KDM2B: variants seen among roughly 807,000 people sequenced by gnomAD.
KDM2B encodes the protein lysine-specific demethylase 2B.
KDM2B carries 26 observed loss-of-function variants against 150.0 expected under a neutral mutation model. The ratio of observed to expected loss-of-function variants is 0.17; its 90% CI spans 0.13 to 0.24. The LOEUF (loss-of-function observed/expected upper bound fraction) is 0.24. Among genes scored for constraint, KDM2B ranks in the 10% least tolerant of loss-of-function variants. The probability of loss-of-function intolerance (pLI) is 1.00; values close to 1 mark genes in which losing one functional copy is unlikely to be tolerated. For missense variants in KDM2B, 1,265 were observed against 1,816.9 expected, an observed-to-expected ratio of 0.70 and a Z score of 5.52; for synonymous variants, 734 against 729.5, an observed-to-expected ratio of 1.01 and a Z score of -0.10.
chr12:121,535,122 T>C (rs1555308500), intron 6 of KDM2B, among the ~76,000 whole-genome samples: 2 of 151,332 alleles, frequency 1.3e-5, no homozygotes, highest in African/African-American at 2.4e-5. Context: ...GCTTTGGCCT[T>C]GAGAGAAATG....
rs201085385 is a variant in KDM2B at position 121,441,088 on chromosome 12, G to A, written c.3430C>T (p.Leu1144Phe). 2.5e-6 allele frequency: 4 copies of A among 1,614,178 alleles called. No homozygotes were observed. In the East Asian group the frequency reaches 8.9e-5, roughly 36 times the overall value. ...GGCTCACCAGGCAGCCGGTTGATGAGCCAGCTCAGCTGCTTCTTGGAGATA... is the reference window on the plus strand; with the variant it reads ...GGCTCACCAGGCAGCCGGTTGATGAACCAGCTCAGCTGCTTCTTGGAGATA... ...TNISKKQLSWLINRLPGLRDL... is the reference protein window; with the variant it reads ...TNISKKQLSWFINRLPGLRDL... Residue 1144 changes from leucine to phenylalanine, a missense_variant, in exon 20 of 23, where the codon CTC becomes TTC. By Grantham distance (22) the Leu-to-Phe change is conservative. Coordinates refer to ENST00000377071, the MANE Select transcript of KDM2B (RefSeq NM_032590.5).
At chr12:121,420,426 TGTTTCTTCTGG>T in the KDM2B span, 1 of 1,551,160 alleles carries the variant, frequency 6.4e-7, no homozygotes, top group South Asian at 1.2e-5. Flanking sequence ...TAGTACAGGA[TGTTTCTTCTGG>T]TTTGAATGTA....
At chr12:121,440,587 C>T (rs1209554859) in intron 21 of KDM2B, 5 of 524,332 alleles carry the variant, frequency 9.5e-6, no homozygotes, top group Admixed American at 3.6e-5. Context: ...AGCGAGTCAA[C>T]AGGAAAGCAG....
chr12:121,409,140 C>T, the KDM2B span, among the ~76,000 whole-genome samples: 4 of 152,002 alleles, frequency 2.6e-5, no homozygotes, highest in African/African-American at 4.8e-5. Flanking sequence ...CCACCATGCC[C>T]GGCTAATTTT....
At chr12:121,535,364 A>C (rs1310212442) in intron 6 of KDM2B, among the ~76,000 whole-genome samples, 1 of 152,234 alleles carries the variant, frequency 6.6e-6, no homozygotes, top group Non-Finnish European at 1.5e-5. Context: ...CAGAGTAGAC[A>C]AATCTATAGA....
rs75534557 is a variant in KDM2B, at chr12:121,567,763, T to C, written c.397+6784A>G. ...TCTCACTCTCTCACCCAGGCTGGAG[T>C]ATAGTGGTGCAATCTCGGCTCACTG... is the stretch of plus-strand genomic sequence containing the variant. On this transcript the variant is annotated intron_variant, in intron 4 of 22. Transcript: ENST00000377071. 2.1e-3 allele frequency among the ~76,000 whole-genome samples: 297 copies of C among 144,550 alleles called. 2 individuals carry two copies. Among genetic ancestry groups the C allele is most frequent in the African/African-American group, 7.0e-3 (266 of 38,150 alleles). 94.8% of individuals were successfully genotyped at this position (144,550 alleles called of 152,430 possible).
At chr12:121,516,982 G>A (rs1020504354) in intron 9 of KDM2B, 5 of 607,646 alleles carry the variant, frequency 8.2e-6, no homozygotes, top group African/African-American at 7.4e-5. Context: ...GTAAGGGAAT[G>A]GGGCATGTCG....
intron 8 of KDM2B, among the ~76,000 whole-genome samples, chr12:121,530,420 T>C (rs1555307642): frequency 6.6e-6 from 1 of 152,090 alleles, no homozygotes; most frequent in Non-Finnish European, 1.5e-5. Context: ...TTAACACCCA[T>C]CTTTAGCAAA....
chr12:121,498,217 G>A (rs1306461362), intron 11 of KDM2B, among the ~76,000 whole-genome samples: 2 of 152,162 alleles, frequency 1.3e-5, no homozygotes, highest in Non-Finnish European at 2.9e-5. Flanking sequence ...CCCCCTGCAT[G>A]TGGGCCCCAA....
In KDM2B at chr12:121,512,059, C is replaced by T. The variant is rs1315243814; in HGVS notation, c.1174+1217G>A. Among the ~76,000 whole-genome samples the T allele has an allele frequency of 1.1e-4, 17 of 152,328 alleles. No homozygotes were observed. In the East Asian group the frequency reaches 3.3e-3, roughly 29 times the overall value. ...ATGTCCAAGTGAAAGAACCAACCCT[C>T]GGCCTTCTGGCCTGGGGACTGCAGA... On this transcript the variant is annotated intron_variant, in intron 10 of 22. Coordinates refer to ENST00000377071, the MANE Select transcript of KDM2B (RefSeq NM_032590.5).
intron 12 of KDM2B, among the ~76,000 whole-genome samples, chr12:121,491,808 A>C (rs1236296840): frequency 6.6e-6 from 1 of 151,616 alleles, no homozygotes; most frequent in Non-Finnish European, 1.5e-5. Context: ...AAAAAAAAAA[A>C]AAAAGTACAC....
At position 121,532,964 on chromosome 12, in the gene KDM2B, G is replaced by A; in HGVS notation, c.778-5C>T. 2 of 1,614,068 alleles carry A rather than the reference G, an allele frequency of 1.2e-6. No individual in the cohort carries two copies. The highest frequency in any genetic ancestry group is 1.7e-6 in the Non-Finnish European group (2 of 1,180,010). The stretch of plus-strand genomic sequence containing the variant: ...TGGAGGAATCAGCCAAAAAATCTTG[G>A]GAGAAAACACAGGCAGTCAGCTGGA... On this transcript the variant is annotated splice_region_variant and splice_polypyrimidine_tract_variant and intron_variant, in intron 7 of 22. Transcript: ENST00000377071.
chr12:121,471,476 G>A (rs1880763363), intron 12 of KDM2B, among the ~76,000 whole-genome samples: 1 of 152,114 alleles, frequency 6.6e-6, no homozygotes, highest in African/African-American at 2.4e-5. Context: ...ATGACCCCTG[G>A]CTGCTAAGAG....
rs1318591474 is a variant in KDM2B, at chr12:121,467,001, C to G, written c.1735-13657G>C. 6.7e-6 allele frequency among the ~76,000 whole-genome samples: 1 copy of G among 148,472 alleles called. No individual in the cohort carries two copies. Among genetic ancestry groups the G allele is most frequent in the Non-Finnish European group, 1.5e-5 (1 of 66,744 alleles). ...GGGCCTGCCGCGCTCCTCTACGCCCCGCTCGGGCCCGGCCCCGGCCGCCCC... is the reference window on the plus strand; with the variant it reads ...GGGCCTGCCGCGCTCCTCTACGCCCGGCTCGGGCCCGGCCCCGGCCGCCCC... On this transcript the variant is annotated intron_variant, in intron 12 of 22. Transcript: ENST00000377071. The surrounding 1 kb of genome is among the most constrained non-coding windows in gnomAD (Gnocchi z 5.1).
chr12:121,572,457 T>C (rs1342636593), intron 4 of KDM2B, among the ~76,000 whole-genome samples: 3 of 152,162 alleles, frequency 2.0e-5, no homozygotes, highest in Non-Finnish European at 4.4e-5. Context: ...ACTTCCCTTG[T>C]GCCCTTGCTC....
At chr12:121,418,142 A>C in the KDM2B span, 1 of 538,584 alleles carries the variant, frequency 1.9e-6, no homozygotes, top group Non-Finnish European at 3.3e-6. Context: ...ATAGCTCATC[A>C]GTCTCTTGGC....
intron 4 of KDM2B, among the ~76,000 whole-genome samples, chr12:121,572,070 C>T (rs970202065): frequency 2.6e-5 from 4 of 152,114 alleles, no homozygotes; most frequent in Non-Finnish European, 4.4e-5. Context: ...TGGTGGTACA[C>T]GGCTGTGGTC....
chr12:121,439,048 A>C (rs1274974721), intron 22 of KDM2B, among the ~76,000 whole-genome samples: 1 of 152,156 alleles, frequency 6.6e-6, no homozygotes, highest in Non-Finnish European at 1.5e-5. Flanking sequence ...GCGAGCGAAG[A>C]TCCTGCACCA....
At chr12:121,490,805 C>T (rs1434778899) in intron 12 of KDM2B, among the ~76,000 whole-genome samples, 1 of 152,152 alleles carries the variant, frequency 6.6e-6, no homozygotes, top group Non-Finnish European at 1.5e-5. Flanking sequence ...CTCACAGCAC[C>T]TAATCAGTTC....
Sources: allele counts gnomAD v4.1 joint callset (sites outside exome capture counted in the v4.1 genomes callset), GRCh38; gene constraint gnomAD v4.1.1; non-coding constraint Gnocchi (gnomAD v3.1); transcripts MANE v1.5; gene names NCBI Gene and HGNC (gene_info 2026-07-23, HGNC 2026-07-21).